Variants in CSGALNACT1 observed in about 807,000 individuals in gnomAD.
CSGALNACT1 encodes the protein chondroitin sulfate N-acetylgalactosaminyltransferase 1.
A neutral mutation model predicts 51.0 loss-of-function variants in CSGALNACT1; 52 were observed. The observed-to-expected ratio is 1.02, with a 90% CI of 0.82 to 1.29. CSGALNACT1 has a LOEUF of 1.29. Ranked by LOEUF, CSGALNACT1 falls within the 50% of genes most tolerant of loss-of-function variation. The pLI is 0.00. For missense variants in CSGALNACT1, 935 were observed against 679.2 expected (o/e 1.38, Z -4.19); for synonymous variants, 341 against 254.4 (o/e 1.34, Z -3.24).
intron 3 of CSGALNACT1, among the ~76,000 whole-genome samples, chr8:19,550,154 AG>A (rs1162841231): frequency 6.6e-6 from 1 of 151,604 alleles, no homozygotes; most frequent in Non-Finnish European, 1.5e-5. Context: ...TTGCTTTTTT[AG>A]GTTTTTGTTT....
chr8:19,505,821 C>A, exon 4 of CSGALNACT1: 3 of 1,611,874 alleles, frequency 1.9e-6, no homozygotes, highest in South Asian at 1.1e-5. Context: ...CAGCCCCCGG[C>A]GAACCATCAT....
chr8:19,424,120 C>T (rs1166083172), intron 6 of CSGALNACT1, among the ~76,000 whole-genome samples: 1 of 152,192 alleles, frequency 6.6e-6, no homozygotes, highest in Non-Finnish European at 1.5e-5. Flanking sequence ...GTTAGAGCTG[C>T]TCTGAAGCCC....
At chr8:19,682,574 A>G (rs1226951158) in exon 1 of CSGALNACT1, 1 of 452,510 alleles carries the variant, frequency 2.2e-6, no homozygotes, top group African/African-American at 2.0e-5. Flanking sequence ...CAGGGTTTCC[A>G]CCTAAGGAGA....
chr8:19,525,218 C>A (rs1428216571), intron 3 of CSGALNACT1, among the ~76,000 whole-genome samples: 4 of 152,226 alleles, frequency 2.6e-5, no homozygotes, highest in Middle Eastern at 6.8e-3. Flanking sequence ...TTTCTTTAAA[C>A]AAACGTGAAA....
intron 5 of CSGALNACT1, among the ~76,000 whole-genome samples, chr8:19,440,401 G>C (rs905627369): frequency 6.6e-6 from 1 of 151,936 alleles, no homozygotes; most frequent in African/African-American, 2.4e-5. Flanking sequence ...TGGGATGCAA[G>C]GCTGGTTCAA....
rs112955433 is a variant in CSGALNACT1 at position 19,500,857 on chromosome 8, G to T, written c.634+4344C>A. 4.9e-3 allele frequency among the ~76,000 whole-genome samples: 739 copies of T among 152,298 alleles called. 3 individuals are homozygous for T. The highest frequency in any genetic ancestry group is 0.017 in the Middle Eastern group (5 of 294). On this transcript the variant is annotated intron_variant, in intron 4 of 9. Coordinates refer to ENST00000454498, the Ensembl canonical transcript of CSGALNACT1. ...AATTTATTTTCTCACAATTACGGAG[G>T]CCGGGAAGTCCAAGATCAAGGCCCA... is the stretch of plus-strand genomic sequence containing the variant.
At chr8:19,751,738 T>A (rs1374923121) in intron 1 of CSGALNACT1, among the ~76,000 whole-genome samples, 2 of 152,036 alleles carry the variant, frequency 1.3e-5, no homozygotes, top group Non-Finnish European at 2.9e-5. Context: ...TCTCATGAGA[T>A]CTGGTTGTTT....
chr8:19,494,296 C>T (rs933121493), intron 4 of CSGALNACT1, among the ~76,000 whole-genome samples: 1 of 152,114 alleles, frequency 6.6e-6, no homozygotes, highest in Non-Finnish European at 1.5e-5. Flanking sequence ...CCAAAACACT[C>T]CCCTCCTCCA....
At chr8:19,666,801 AAGAAAGAAAGAGAGAGAGAGAGAGAG>A (rs2059239191) in intron 1 of CSGALNACT1, among the ~76,000 whole-genome samples, 1 of 21,760 alleles carries the variant, frequency 4.6e-5, no homozygotes, top group Admixed American at 6.0e-4. Flanking sequence ...GAAAGAAAGA[AAGAAAGAAAGAGAGAGAGAGAGAGAG>A]AGAGAGAAAG....
chr8:19,464,781 C>G lies in CSGALNACT1; in HGVS notation c.635-6139G>C, dbSNP rs184127952. ...GTTTCATCCCAAAACCACCACCTTC[C>G]CCTTGTTGTGGAATTGTCTTCCACA... On this transcript the variant is annotated intron_variant, in intron 4 of 9. Transcript: ENST00000454498. 3.2e-3 allele frequency among the ~76,000 whole-genome samples: 485 copies of G among 152,250 alleles called. 8 individuals carry two copies. The highest frequency in any genetic ancestry group is 0.011 in the African/African-American group (452 of 41,540).
chr8:19,618,629 C>CAAAAAAA (rs60787326), intron 1 of CSGALNACT1, among the ~76,000 whole-genome samples: 7 of 64,026 alleles, frequency 1.1e-4, no homozygotes, highest in African/African-American at 1.6e-4. Flanking sequence ...AATACTCCAT[C>CAAAAAAA]AAAAAAAAAA....
At chr8:19,464,937 C>G (rs2066338906) in intron 4 of CSGALNACT1, among the ~76,000 whole-genome samples, 1 of 152,148 alleles carries the variant, frequency 6.6e-6, no homozygotes, top group African/African-American at 2.4e-5. Flanking sequence ...TTGGTACTTC[C>G]TCACAAAGTT....
chr8:19,571,083 A>G (rs2042926262), intron 3 of CSGALNACT1, among the ~76,000 whole-genome samples: 1 of 152,026 alleles, frequency 6.6e-6, no homozygotes, highest in Non-Finnish European at 1.5e-5. Flanking sequence ...GTGATCTCCC[A>G]CCTCAGCCTC....
intron 4 of CSGALNACT1, among the ~76,000 whole-genome samples, chr8:19,489,940 T>C (rs2073981092): frequency 1.3e-5 from 2 of 152,198 alleles, no homozygotes; most frequent in African/African-American, 4.8e-5. Flanking sequence ...CTTCTACACC[T>C]TGAATGGTAC....
intron 3 of CSGALNACT1, among the ~76,000 whole-genome samples, chr8:19,569,576 T>C (rs1440517031): frequency 6.6e-6 from 1 of 152,170 alleles, no homozygotes; most frequent in Non-Finnish European, 1.5e-5. Context: ...TACGAGTTGG[T>C]TGTTGACAAT....
chr8:19,625,812 T>A (rs984637733), intron 1 of CSGALNACT1, among the ~76,000 whole-genome samples: 2 of 152,210 alleles, frequency 1.3e-5, no homozygotes, highest in African/African-American at 4.8e-5. Flanking sequence ...GAATTCATCC[T>A]AAGCCAGTTA....
In CSGALNACT1 at chr8:19,592,881, T is replaced by C. The variant is rs140810912; in HGVS notation, c.-415-1603A>G. 7.8e-3 allele frequency among the ~76,000 whole-genome samples: 1,191 copies of C among 152,350 alleles called. 16 individuals carry two copies. Among genetic ancestry groups the C allele is most frequent in the African/African-American group, 0.027 (1,126 of 41,572 alleles). ...ACTATTCTTATTTTTGCAACTTTCT[T>C]ATACAGACCATACCCCACTACAGTG... On this transcript the variant is annotated intron_variant, in intron 2 of 9. Transcript: ENST00000454498.
chr8:19,559,461 C>G (rs983586815), intron 3 of CSGALNACT1, among the ~76,000 whole-genome samples: 1 of 152,084 alleles, frequency 6.6e-6, no homozygotes, highest in African/African-American at 2.4e-5. Flanking sequence ...CATTCAACAT[C>G]AAATTAAAAC....
intron 3 of CSGALNACT1, among the ~76,000 whole-genome samples, chr8:19,534,019 G>C (rs753868217): frequency 6.1e-4 from 92 of 152,054 alleles, no homozygotes; most frequent in Admixed American, 1.3e-3. Flanking sequence ...CTCAGATGCA[G>C]AATTTGGTCT....
Sources: allele counts gnomAD v4.1 joint callset (sites outside exome capture counted in the v4.1 genomes callset), GRCh38; gene constraint gnomAD v4.1.1; transcripts MANE v1.5; gene names NCBI Gene and HGNC (gene_info 2026-07-23, HGNC 2026-07-21).